Variants in BCL2L12 observed in about 807,000 individuals in gnomAD.
BCL2L12 encodes the protein bcl-2-like protein 12.
In BCL2L12, 27 loss-of-function variants were observed where a neutral mutation model predicts 25.7. The observed-to-expected ratio is 1.05, with a 90% CI of 0.78 to 1.45. BCL2L12 has a LOEUF of 1.45. BCL2L12 is among the 40% of genes most tolerant of loss of function. The pLI is 0.00. For synonymous variants in BCL2L12, 132 were observed against 145.6 expected, an observed-to-expected ratio of 0.91 and a Z score of 0.67; for missense variants, 302 against 329.8, an observed-to-expected ratio of 0.92 and a Z score of 0.65.
At chr19:49,668,720 C>T in intron 3 of BCL2L12, 131 bp from the exon 4 acceptor site, 1 of 961,858 alleles carries the variant, frequency 1.0e-6, no homozygotes, top group Non-Finnish European at 1.5e-6. Context: ...ACTCCGTTTC[C>T]CAAAATCAAT....
chr19:49,670,854 C>T (rs553442945), intron 6 of BCL2L12, among the ~76,000 whole-genome samples: 21 of 152,160 alleles, frequency 1.4e-4, no homozygotes, highest in Admixed American at 3.3e-4. Flanking sequence ...CCCATCTCTA[C>T]AAAAATTGAA....
At position 49,672,755 on chromosome 19, in the gene BCL2L12, G is replaced by C. The variant is rs987954344; in HGVS notation, c.703-943G>C. Among the ~76,000 whole-genome samples the C allele has an allele frequency of 5.3e-5, 8 of 152,298 alleles. No homozygotes were observed. The highest frequency in any genetic ancestry group is 1.9e-4 in the African/African-American group (8 of 41,564). ...GGAAGGTGTGGGGATGGGGGCGATG[G>C]GGGTGGGGAGCAGGACTGGAGGTGG... On this transcript the variant is annotated intron_variant, in intron 6 of 6. Transcript: ENST00000246784. This position sits in a 1 kb window ranked among gnomAD's most constrained non-coding sequence, Gnocchi z 4.1.
intron 1 of BCL2L12, 92 bp downstream of exon 1, chr19:49,666,159 T>G: frequency 6.9e-7 from 1 of 1,442,906 alleles, no homozygotes; most frequent in Non-Finnish European, 9.3e-7. Context: ...TTCTCTGATA[T>G]CCAAGGGTCC....
chr19:49,668,902 T>C lies in BCL2L12; in HGVS notation c.302T>C (p.Leu101Pro). ...YALVAQRLEQ[L>P]VQEQLKSPPS... ...TTGGTGGCCCAGCGGCTGGAACAGC[T>C]GGTCCAAGAGCAGCTGAAATCTCCG... Residue 101 changes from leucine (L) to proline (P), a missense_variant, in exon 4 of 7, where the codon CTG becomes CCG. Physicochemically the swap from Leu to Pro is moderately conservative, Grantham distance 98. Transcript: ENST00000246784. 1 of 1,613,704 alleles carries C rather than the reference T, an allele frequency of 6.2e-7. No homozygotes were observed. Among genetic ancestry groups the C allele is most frequent in the Non-Finnish European group, 8.5e-7 (1 of 1,179,914 alleles).
At position 49,666,798 on chromosome 19, in the gene BCL2L12, A is replaced by G. The variant is rs2122791649; in HGVS notation, c.106A>G (p.Arg36Gly). 6.4e-7 allele frequency: 1 copy of G among 1,555,378 alleles called. No individual in the cohort carries two copies. The highest frequency in any genetic ancestry group is 8.7e-7 in the Non-Finnish European group (1 of 1,148,798). ...AAGSPVPTPP[R>G]SPAQEEPTDF... is the part of the protein sequence containing the mutation. ...CGGGTCTCCTGTTCCAACTCCACCT[A>G]GGTAAGAGGAGTGGCCCTTCTCCCC... The change falls in exon 2 of 7, where the codon AGA becomes GGA. Residue 36 changes from arginine (R) to glycine (G), a missense_variant and splice_region_variant. Coordinates refer to ENST00000246784, the MANE Select transcript of BCL2L12 (RefSeq NM_138639.2).
intron 5 of BCL2L12, 59 bp from the exon 6 acceptor site, chr19:49,670,157 C>T (rs2081924215): frequency 1.9e-6 from 3 of 1,571,108 alleles, no homozygotes; most frequent in South Asian, 2.3e-5. Context: ...CCTCCCGGCC[C>T]TCTATTGGCT....
In BCL2L12 at chr19:49,668,856, G is replaced by T; in HGVS notation, c.256G>T (p.Ala86Ser). 1 of 1,612,566 alleles carries T rather than the reference G, an allele frequency of 6.2e-7. No homozygotes were observed. Among genetic ancestry groups the T allele is most frequent in the Non-Finnish European group, 8.5e-7 (1 of 1,179,818 alleles). ...ATTAACTCTTTTCACCCCAGGCCCA[G>T]CTACTCCAGACTTCTATGCTTTGGT... The part of the protein sequence containing the change: ...RPCYGLEPGP[A>S]TPDFYALVAQ... The change falls in exon 4 of 7, where the codon GCT (alanine) becomes TCT (serine). Residue 86 changes from alanine to serine, a missense_variant. Ala to Ser is a moderately conservative substitution (Grantham distance 99). Coordinates refer to ENST00000246784, the MANE Select transcript of BCL2L12 (RefSeq NM_138639.2).
chr19:49,667,239 G>T, intron 3 of BCL2L12, 78 bp downstream of exon 3: 5 of 1,563,526 alleles, frequency 3.2e-6, no homozygotes, highest in Non-Finnish European at 4.4e-6. Context: ...TCAGCTAGGG[G>T]GTGGCTGTGT....
upstream of BCL2L12, chr19:49,665,645 C>T (rs187554099): frequency 2.7e-6 from 2 of 751,508 alleles, no homozygotes; most frequent in Non-Finnish European, 4.2e-6. Context: ...GATGGAAGGT[C>T]GGGGCGTGCG....
chr19:49,667,129 T>C lies in BCL2L12; in HGVS notation c.218T>C (p.Leu73Pro). The change falls in exon 3 of 7, where the codon CTG becomes CCG. Residue 73 changes from leucine to proline, a missense_variant. Physicochemically the swap from Leu to Pro is moderately conservative, Grantham distance 98. Coordinates refer to ENST00000246784, the MANE Select transcript of BCL2L12 (RefSeq NM_138639.2). ...TCTGAGTCCCCTCGGCCTTGCTCTC[T>C]GCCCATCCGCCCCTGCTATGGTTTA... ...APSESPRPCS[L>P]PIRPCYGLEP... 1 of 1,614,048 alleles carries C rather than the reference T, an allele frequency of 6.2e-7. No homozygotes were observed. The highest frequency in any genetic ancestry group is 8.5e-7 in the Non-Finnish European group (1 of 1,179,986).
Position 49,665,986 on chromosome 19 carries a change from G to C in BCL2L12, c.-90G>C. 6.2e-7 allele frequency: 1 copy of C among 1,609,390 alleles called. No individual in the cohort carries two copies. The highest frequency in any genetic ancestry group is 8.5e-7 in the Non-Finnish European group (1 of 1,177,512). On this transcript the variant is annotated 5_prime_UTR_variant, in exon 1 of 7. Coordinates refer to ENST00000246784, the MANE Select transcript of BCL2L12 (RefSeq NM_138639.2). Reference sequence around the variant, plus strand: ...CGGCCCAGTGCGCAGGCGCGGGAAAGTTGAACTAATAAAGTTTGTACGAGT... The same window carrying C: ...CGGCCCAGTGCGCAGGCGCGGGAAACTTGAACTAATAAAGTTTGTACGAGT...
intron 6 of BCL2L12, 59 bp downstream of exon 6, chr19:49,670,547 G>A: frequency 6.6e-7 from 1 of 1,510,746 alleles, no homozygotes; most frequent in Non-Finnish European, 8.8e-7. Flanking sequence ...ATGTGATAGA[G>A]GAGGGGCGGG....
Position 49,668,777 on chromosome 19 carries a change from G to A in BCL2L12, c.251-74G>A, listed in dbSNP as rs553241067. The stretch of plus-strand genomic sequence containing the variant: ...AATGGGAATCATTGCCACCTGCCAA[G>A]GTAGTTGGGGGAAGGAGAGAATCCG... On this transcript the variant is annotated intron_variant, in intron 3 of 6. Coordinates refer to ENST00000246784, the MANE Select transcript of BCL2L12 (RefSeq NM_138639.2). 1.1e-5 allele frequency: 15 copies of A among 1,391,962 alleles called. 1 individual carries two copies. The highest frequency in any genetic ancestry group is 2.9e-5 in the African/African-American group (2 of 69,068). 86.2% of individuals were successfully genotyped at this position (1,391,962 alleles called of 1,614,324 possible).
rs765071730 is a variant in BCL2L12, at chr19:49,669,135, C to T, written c.429+20C>T. The stretch of plus-strand genomic sequence containing the variant: ...CAGAAGGTGATGGGCATCTGTCCCA[C>T]TCCTTGGCAAGGACAGGAGTTGCGG... On this transcript the variant is annotated intron_variant, in intron 5 of 6. Transcript: ENST00000246784. 1 of 1,612,336 alleles carries T rather than the reference C, an allele frequency of 6.2e-7. No homozygotes were observed. Among genetic ancestry groups the T allele is most frequent in the East Asian group, 2.2e-5 (1 of 44,866 alleles).
At chr19:49,673,372 C>T (rs1031767278) in intron 6 of BCL2L12, among the ~76,000 whole-genome samples, 4 of 151,898 alleles carry the variant, frequency 2.6e-5, no homozygotes, top group Admixed American at 6.6e-5. Context: ...CACAAAGCCA[C>T]GACTCTGAAT....
intron 3 of BCL2L12, among the ~76,000 whole-genome samples, 192 bp from the exon 4 acceptor site, chr19:49,668,659 G>T (rs549053628): frequency 6.6e-6 from 1 of 152,118 alleles, no homozygotes; most frequent in African/African-American, 2.4e-5. Context: ...GTATGGCGGC[G>T]TGCGCCTGTA....
intron 2 of BCL2L12, 26 bp downstream of exon 2, chr19:49,666,825 A>C: frequency 6.5e-7 from 1 of 1,546,392 alleles, no homozygotes; most frequent in Non-Finnish European, 8.8e-7. Flanking sequence ...CTTCTCCCCC[A>C]GGGGCCAGCA....
At position 49,668,898 on chromosome 19, in the gene BCL2L12, C is replaced by A. The variant is rs1483180715; in HGVS notation, c.298C>A (p.Gln100Lys). Residue 100 changes from glutamine to lysine, a missense_variant, in exon 4 of 7, where the codon CAG (glutamine) becomes AAG (lysine). By Grantham distance (53) the Gln-to-Lys change is moderately conservative (BLOSUM62 1). Transcript: ENST00000246784. ...FYALVAQRLEQLVQEQLKSPP... is the reference protein window; with the variant it reads ...FYALVAQRLEKLVQEQLKSPP... Reference sequence around the variant, plus strand: ...TGCTTTGGTGGCCCAGCGGCTGGAACAGCTGGTCCAAGAGCAGCTGAAATC... The same window carrying A: ...TGCTTTGGTGGCCCAGCGGCTGGAAAAGCTGGTCCAAGAGCAGCTGAAATC... 6.2e-7 allele frequency: 1 copy of A among 1,613,534 alleles called. No homozygotes were observed. The highest frequency in any genetic ancestry group is 8.5e-7 in the Non-Finnish European group (1 of 1,179,946).
intron 6 of BCL2L12, 107 bp downstream of exon 6, chr19:49,670,595 C>T: frequency 2.8e-6 from 4 of 1,412,050 alleles, no homozygotes; most frequent in Non-Finnish European, 3.8e-6. Context: ...GGTATTCTCC[C>T]AGCTCCACTG....
Sources: allele counts gnomAD v4.1 joint callset (sites outside exome capture counted in the v4.1 genomes callset), GRCh38; gene constraint gnomAD v4.1.1; non-coding constraint Gnocchi (gnomAD v3.1); transcripts MANE v1.5; gene names NCBI Gene and HGNC (gene_info 2026-07-23, HGNC 2026-07-21).